The following NDST4 variants were observed in gnomAD, a reference collection of about 807,000 sequenced individuals.
NDST4 encodes the protein N-deacetylase and N-sulfotransferase 4, also known as N-heparan sulfate sulfotransferase 4.
NDST4 carries 63 observed loss-of-function variants against 100.8 expected under a neutral mutation model. The observed-to-expected ratio is 0.62, with a 90% CI of 0.51 to 0.77. The LOEUF (loss-of-function observed/expected upper bound fraction) is 0.77, where lower values mean the gene tolerates loss of function less well. Ranked by LOEUF, NDST4 falls within the 30% of genes least tolerant of loss-of-function variation. NDST4 has a pLI of 0.00. For synonymous variants in NDST4, 377 were observed against 361.8 expected, an observed-to-expected ratio of 1.04 and a Z score of -0.48; for missense variants, 943 against 1,018.4, an observed-to-expected ratio of 0.93 and a Z score of 1.01.
intron 2 of NDST4, among the ~76,000 whole-genome samples, chr4:114,984,156 A>G (rs949061511): frequency 2.0e-5 from 3 of 148,002 alleles, no homozygotes; most frequent in African/African-American, 4.9e-5. Context: ...TTATTTATTT[A>G]TTTATTTATT....
chr4:114,979,789 T>C (rs1377295634), intron 2 of NDST4, among the ~76,000 whole-genome samples: 7 of 152,094 alleles, frequency 4.6e-5, no homozygotes, highest in African/African-American at 1.7e-4. Context: ...CCTACTAACA[T>C]GTAGTCTGGA....
intron 6 of NDST4, among the ~76,000 whole-genome samples, chr4:114,888,400 G>A (rs1724524098): frequency 6.6e-6 from 1 of 152,052 alleles, no homozygotes; most frequent in Admixed American, 6.6e-5. Context: ...CATGGCTCAA[G>A]CTTAAAGGCA....
At chr4:115,074,771 G>A (rs1729146137) in intron 2 of NDST4, among the ~76,000 whole-genome samples, 1 of 152,098 alleles carries the variant, frequency 6.6e-6, no homozygotes, top group Non-Finnish European at 1.5e-5. Flanking sequence ...TTTTGAAGAA[G>A]TATCCAAATT....
At chr4:115,016,995 ATGTGTGTGTGTG>A (rs140090585) in intron 2 of NDST4, among the ~76,000 whole-genome samples, 1 of 146,234 alleles carries the variant, frequency 6.8e-6, no homozygotes, top group Non-Finnish European at 1.5e-5. Flanking sequence ...TCATGTGTGT[ATGTGTGTGTGTG>A]TGTGTGTGTG....
chr4:114,918,601 G>A lies in NDST4; in HGVS notation c.1536+16605C>T, dbSNP rs188795211. On this transcript the variant is annotated intron_variant, in intron 6 of 13. Coordinates refer to ENST00000264363, the MANE Select transcript of NDST4 (RefSeq NM_022569.3). Reference sequence around the variant, plus strand: ...TAAAAAATAAAAATAGAATCAAACCGAACAAGTTCCTGTTGTCATTGCCAA... The same window carrying A: ...TAAAAAATAAAAATAGAATCAAACCAAACAAGTTCCTGTTGTCATTGCCAA... 5.7e-4 allele frequency among the ~76,000 whole-genome samples: 86 copies of A among 150,268 alleles called. 1 individual carries two copies. The highest frequency in any genetic ancestry group is 1.7e-3 in the African/African-American group (71 of 40,986).
chr4:114,930,405 A>G (rs1431684524), intron 6 of NDST4, among the ~76,000 whole-genome samples: 1 of 152,208 alleles, frequency 6.6e-6, no homozygotes, highest in East Asian at 1.9e-4. Flanking sequence ...TGTTTTTAAT[A>G]GCCATGCAGT....
intron 4 of NDST4, among the ~76,000 whole-genome samples, chr4:114,969,300 C>A (rs1210279521): frequency 8.4e-6 from 1 of 119,338 alleles, no homozygotes; most frequent in African/African-American, 3.5e-5. Flanking sequence ...GGTGACAGAG[C>A]GAGACTCCGT....
At chr4:114,980,082 G>A (rs901342008) in intron 2 of NDST4, among the ~76,000 whole-genome samples, 2 of 151,974 alleles carry the variant, frequency 1.3e-5, no homozygotes. Flanking sequence ...AAAGATGAAA[G>A]AATTCCAATA....
At chr4:115,105,409 C>G (rs1001931950) in intron 1 of NDST4, among the ~76,000 whole-genome samples, 23 of 152,012 alleles carry the variant, frequency 1.5e-4, no homozygotes, top group South Asian at 1.5e-3. Context: ...AATGGTACAT[C>G]TTATAAATAA....
At chr4:114,935,756 T>C (rs140639646) in intron 5 of NDST4, among the ~76,000 whole-genome samples, 59 of 152,300 alleles carry the variant, frequency 3.9e-4, no homozygotes, top group South Asian at 3.1e-3. Flanking sequence ...TTTACCACAA[T>C]TGGTTTTCAT....
intron 4 of NDST4, among the ~76,000 whole-genome samples, chr4:114,954,177 G>T (rs113476169): frequency 0.028 from 4,175 of 151,670 alleles, 115 homozygotes; most frequent in African/African-American, 0.063. Context: ...TTATTATTTG[G>T]TTTTTTTAAA....
At chr4:114,877,087 C>CACAT (rs367579960) in intron 6 of NDST4, among the ~76,000 whole-genome samples, 27 of 151,592 alleles carry the variant, frequency 1.8e-4, no homozygotes, top group East Asian at 1.4e-3. Flanking sequence ...CACACACACA[C>CACAT]GCGTGCACGC....
At chr4:115,111,767 G>A (rs1729957434) in intron 1 of NDST4, among the ~76,000 whole-genome samples, 1 of 151,528 alleles carries the variant, frequency 6.6e-6, no homozygotes, top group African/African-American at 2.4e-5. Flanking sequence ...GTGGTGACCA[G>A]GTGCCATTCA....
chr4:115,005,034 A>T (rs554443799), intron 2 of NDST4, among the ~76,000 whole-genome samples: 2 of 152,182 alleles, frequency 1.3e-5, no homozygotes, highest in Non-Finnish European at 2.9e-5. Context: ...TTAAAATTGA[A>T]TTTCTTAAAC....
chr4:114,830,898 G>A (rs1723182652), intron 12 of NDST4, among the ~76,000 whole-genome samples: 1 of 152,180 alleles, frequency 6.6e-6, no homozygotes, highest in African/African-American at 2.4e-5. Context: ...CATTTAGGGG[G>A]AGAGGGAAGT....
intron 6 of NDST4, among the ~76,000 whole-genome samples, chr4:114,901,017 A>AT (rs61431888): frequency 7.3e-4 from 109 of 149,222 alleles, no homozygotes; most frequent in Middle Eastern, 3.4e-3. Flanking sequence ...ACACTATATG[A>AT]TTTTTTTTTT....
chr4:114,881,602 T>C (rs1724369897), intron 6 of NDST4, among the ~76,000 whole-genome samples: 1 of 152,036 alleles, frequency 6.6e-6, no homozygotes, highest in Non-Finnish European at 1.5e-5. Flanking sequence ...CAGCCTCTAA[T>C]CTGCATGCTC....
chr4:114,855,113 T>C (rs769112077), intron 7 of NDST4, among the ~76,000 whole-genome samples: 1 of 152,168 alleles, frequency 6.6e-6, no homozygotes, highest in Non-Finnish European at 1.5e-5. Flanking sequence ...CCTTTGCCCA[T>C]TTTTAAATCA....
chr4:114,899,930 T>C (rs2126209706), intron 6 of NDST4, among the ~76,000 whole-genome samples: 1 of 152,268 alleles, frequency 6.6e-6, no homozygotes, highest in Non-Finnish European at 1.5e-5. Flanking sequence ...TTTCCTTAAA[T>C]GTTTGTTAGA....
Sources: allele counts gnomAD v4.1 joint callset (sites outside exome capture counted in the v4.1 genomes callset), GRCh38; gene constraint gnomAD v4.1.1; transcripts MANE v1.5; gene names NCBI Gene and HGNC (gene_info 2026-07-23, HGNC 2026-07-21).